Variants in RCOR1 observed in about 807,000 individuals in gnomAD.
RCOR1 encodes REST corepressor.
A neutral mutation model predicts 64.0 loss-of-function variants in RCOR1; 12 were observed. The observed-to-expected ratio is 0.19, with a 90% CI of 0.12 to 0.30. RCOR1 has a LOEUF of 0.30. Among genes scored for constraint, RCOR1 ranks in the 10% least tolerant of loss-of-function variants. The pLI is 1.00. For synonymous variants in RCOR1, 279 were observed against 227.2 expected, an observed-to-expected ratio of 1.23 and a Z score of -2.05; for missense variants, 502 against 621.2, an observed-to-expected ratio of 0.81 and a Z score of 2.04.
chr14:102,633,821 G>A (rs1894176825), intron 2 of RCOR1, among the ~76,000 whole-genome samples: 1 of 152,186 alleles, frequency 6.6e-6, no homozygotes, highest in Admixed American at 6.5e-5. Context: ...TTACAGGCAT[G>A]AGCCACCGTA....
At chr14:102,712,404 G>A (rs1895979111) in intron 7 of RCOR1, among the ~76,000 whole-genome samples, 2 of 151,764 alleles carry the variant, frequency 1.3e-5, no homozygotes, top group African/African-American at 4.8e-5. Flanking sequence ...TGGCCAGGCT[G>A]GACCTTGAAT....
At chr14:102,662,507 C>T (rs979960300) in intron 2 of RCOR1, 4 of 519,042 alleles carry the variant, frequency 7.7e-6, no homozygotes, top group Middle Eastern at 1.0e-3. Context: ...AAGCTTGTTT[C>T]TCCTGGGGGC....
chr14:102,635,223 G>A (rs1567416185), intron 2 of RCOR1, among the ~76,000 whole-genome samples: 1 of 152,182 alleles, frequency 6.6e-6, no homozygotes, highest in Admixed American at 6.6e-5. Context: ...TACTGAAGCT[G>A]CTGCACACGG....
intron 2 of RCOR1, among the ~76,000 whole-genome samples, chr14:102,619,092 TC>T (rs1198517852): frequency 2.1e-5 from 3 of 145,470 alleles, no homozygotes; most frequent in African/African-American, 8.1e-5. Context: ...GGCTTGTGTA[TC>T]TAGCTAAAGG....
At chr14:102,640,827 G>A (rs1015599134) in intron 2 of RCOR1, among the ~76,000 whole-genome samples, 3 of 151,964 alleles carry the variant, frequency 2.0e-5, no homozygotes, top group African/African-American at 7.3e-5. Flanking sequence ...GGCTGTCGTA[G>A]TGTGCACCTC....
At position 102,728,452 on chromosome 14, in the gene RCOR1, A is replaced by G. The variant is rs371224253; in HGVS notation, c.*1946A>G. On this transcript the variant is annotated 3_prime_UTR_variant, in exon 12 of 12. Coordinates refer to ENST00000262241, the MANE Select transcript of RCOR1 (RefSeq NM_015156.4). ...GAGTCAGCCTAAGTTTGCACATTGC[A>G]TAAAGGGTACACTAAGGTATGAGCT... 6.6e-6 allele frequency: 1 copy of G among 152,338 alleles called. No homozygotes were observed. Among genetic ancestry groups the G allele is most frequent in the East Asian group, 1.9e-4 (1 of 5,192 alleles). The allele number at this position is 152,338 out of a possible 1,614,324, so 9.4% of individuals were successfully genotyped here. A position where few individuals can be genotyped will look rare whatever the true frequency, so the allele number is the denominator to read the frequency against.
rs781119336 is a variant in RCOR1 at position 102,722,143 on chromosome 14, T to G, written c.1190-44T>G. On this transcript the variant is annotated intron_variant, in intron 10 of 11. Transcript: ENST00000262241. ...AGTGTCACTTGTGGTTTTAAAAAAA[T>G]GTTTTTCTCTTGTATTTTAAAAAAT... 3.4e-6 allele frequency: 5 copies of G among 1,484,426 alleles called. No individual in the cohort carries two copies. In the African/African-American group the frequency reaches 5.6e-5, roughly 17 times the overall value. The allele number at this position is 1,484,426 out of a possible 1,614,324, so 92.0% of individuals were successfully genotyped here. A position where few individuals can be genotyped will look rare whatever the true frequency, so the allele number is the denominator to read the frequency against.
chr14:102,665,782 C>T (rs1894906668), intron 2 of RCOR1, among the ~76,000 whole-genome samples: 1 of 152,142 alleles, frequency 6.6e-6, no homozygotes, highest in South Asian at 2.1e-4. Flanking sequence ...TACAACAGTT[C>T]TTATCTCATA....
chr14:102,653,669 A>G (rs866024806), intron 2 of RCOR1, among the ~76,000 whole-genome samples: 58 of 152,194 alleles, frequency 3.8e-4, no homozygotes, highest in Middle Eastern at 3.4e-3. Flanking sequence ...TTTTCATGAT[A>G]GTGAGTGAGC....
chr14:102,649,752 A>G (rs1371242732), intron 2 of RCOR1: 2 of 983,146 alleles, frequency 2.0e-6, no homozygotes, highest in Non-Finnish European at 2.4e-6. Flanking sequence ...CTGTAGAGCC[A>G]TTTAGTTGCT....
At chr14:102,678,284 T>A (rs1895233319) in intron 2 of RCOR1, among the ~76,000 whole-genome samples, 2 of 152,060 alleles carry the variant, frequency 1.3e-5, no homozygotes. Context: ...ACGCTGCCTA[T>A]GTGTGCAGGT....
chr14:102,623,035 TTTTTA>T (rs1410330948), intron 2 of RCOR1, among the ~76,000 whole-genome samples: 2 of 152,212 alleles, frequency 1.3e-5, no homozygotes, highest in Non-Finnish European at 2.9e-5. Context: ...TTTTCTGTCT[TTTTTA>T]TTTTCAACCT....
At chr14:102,605,648 GTA>G (rs1893491481) in intron 2 of RCOR1, among the ~76,000 whole-genome samples, 1 of 152,176 alleles carries the variant, frequency 6.6e-6, no homozygotes. Context: ...GACAATAACT[GTA>G]TTACTGGTTT....
chr14:102,682,002 T>C (rs778386713), intron 3 of RCOR1, 24 bp downstream of exon 3: 84 of 1,551,224 alleles, frequency 5.4e-5, no homozygotes, highest in Non-Finnish European at 7.5e-5. Context: ...CACTTTATTT[T>C]CCACCTTTCT....
intron 3 of RCOR1, among the ~76,000 whole-genome samples, chr14:102,693,450 C>G (rs1218986675): frequency 6.6e-6 from 1 of 152,140 alleles, no homozygotes; most frequent in African/African-American, 2.4e-5. Context: ...TTTGAAAGCT[C>G]TTAAATAACT....
chr14:102,634,111 T>C (rs1307846549), intron 2 of RCOR1, among the ~76,000 whole-genome samples: 2 of 152,082 alleles, frequency 1.3e-5, no homozygotes, highest in African/African-American at 2.4e-5. Flanking sequence ...GATGGAGTAC[T>C]GGCTTGATAC....
Position 102,726,530 on chromosome 14 carries a change from G to T in RCOR1, c.*24G>T. On this transcript the variant is annotated 3_prime_UTR_variant, in exon 12 of 12. Coordinates refer to ENST00000262241, the MANE Select transcript of RCOR1 (RefSeq NM_015156.4). ...GAGAAACTGGTGGCTTTGAACACTTGGTGTGGACTACTGTGTTATCCGGGA... is the reference window on the plus strand; with the variant it reads ...GAGAAACTGGTGGCTTTGAACACTTTGTGTGGACTACTGTGTTATCCGGGA... 6.3e-7 allele frequency: 1 copy of T among 1,589,720 alleles called. No individual in the cohort carries two copies.
Position 102,683,755 on chromosome 14 carries a change from C to A in RCOR1, c.445+1777C>A, listed in dbSNP as rs574093337. Among the ~76,000 whole-genome samples, 7 of 152,354 alleles carry A rather than the reference C, an allele frequency of 4.6e-5. No homozygotes were observed. In the East Asian group the frequency reaches 1.2e-3, roughly 25 times the overall value. ...TAGGGAGATGTCCCTTGATCTCCGC[C>A]CTCGGGCCCAGTGCTGCTTCCGGGT... On this transcript the variant is annotated intron_variant, in intron 3 of 11. Transcript: ENST00000262241.
At chr14:102,644,661 CAT>C (rs1219167377) in intron 2 of RCOR1, among the ~76,000 whole-genome samples, 1 of 152,204 alleles carries the variant, frequency 6.6e-6, no homozygotes, top group Non-Finnish European at 1.5e-5. Flanking sequence ...GAGCTGAACT[CAT>C]GTGACGTCAA....
Sources: allele counts gnomAD v4.1 joint callset (sites outside exome capture counted in the v4.1 genomes callset), GRCh38; gene constraint gnomAD v4.1.1; transcripts MANE v1.5; gene names NCBI Gene and HGNC (gene_info 2026-07-23, HGNC 2026-07-21).